The following EARS2 variants were observed in gnomAD, a reference collection of about 807,000 sequenced individuals.
EARS2 encodes nondiscriminating glutamyl-tRNA synthetase EARS2, mitochondrial.
A neutral mutation model predicts 54.1 loss-of-function variants in EARS2; 50 were observed. The observed-to-expected ratio is 0.92, with a 90% CI of 0.74 to 1.17. EARS2 has a LOEUF of 1.17. Among genes scored for constraint, EARS2 ranks in the 50% most tolerant of loss-of-function variants. The probability of loss-of-function intolerance (pLI) is 0.00; values close to 1 mark genes in which losing one functional copy is unlikely to be tolerated. For missense variants in EARS2, 673 were observed against 675.0 expected (o/e 1.00, Z 0.03); for synonymous variants, 298 against 281.0 (o/e 1.06, Z -0.61).
rs776354431 is a variant in EARS2, at chr16:23,552,302, A to T, written c.142T>A (p.Phe48Ile). The T allele has an allele frequency of 6.2e-7, 1 of 1,614,118 alleles. No homozygotes were observed. Among genetic ancestry groups the T allele is most frequent in the Admixed American group, 1.7e-5 (1 of 60,028 alleles). Residue 48 changes from phenylalanine (F) to isoleucine (I), a missense_variant and splice_region_variant, in exon 2 of 9, where the codon TTC (phenylalanine) becomes ATC (isoleucine). Around this residue, in one of 3 missense-constraint regions of EARS2, gnomAD observed 316 missense variants for 275.2 expected, o/e 1.15. Transcript: ENST00000449606. ...GTGCGGAGGCCACCCAGGTGCAAGAAGCCTGGAGAAGAGAACAGCTCAGAT... is the reference window on the plus strand; with the variant it reads ...GTGCGGAGGCCACCCAGGTGCAAGATGCCTGGAGAAGAGAACAGCTCAGAT... ...RVRFAPSPTG[F>I]LHLGGLRTAL...
chr16:23,544,605 G>A lies in EARS2; in HGVS notation c.394C>T (p.Leu132=). 1 of 1,613,810 alleles carries A rather than the reference G, an allele frequency of 6.2e-7. No individual in the cohort carries two copies. The highest frequency in any genetic ancestry group is 1.3e-5 in the African/African-American group (1 of 75,046). ...CAGGGGTAAGCAGCTCCGGTCTTCAGCAGCGCTTCTGTGGCCTGGGCATAC... is the reference window on the plus strand; with the variant it reads ...CAGGGGTAAGCAGCTCCGGTCTTCAACAGCGCTTCTGTGGCCTGGGCATAC... ...ELYAQATEAL[L]KTGAAYPCFC... is the part of the protein sequence containing the mutation. The change falls in exon 3 of 9, where the codon CTG becomes TTG. Residue 132 remains leucine, a synonymous_variant. Coordinates refer to ENST00000449606, the MANE Select transcript of EARS2 (RefSeq NM_001083614.2).
chr16:23,528,950 G>A (rs1287785050), intron 7 of EARS2, among the ~76,000 whole-genome samples: 1 of 152,234 alleles, frequency 6.6e-6, no homozygotes, highest in Non-Finnish European at 1.5e-5. Context: ...TGCAGGAAAA[G>A]TGGTCAGCAT....
intron 3 of EARS2, among the ~76,000 whole-genome samples, chr16:23,537,819 T>C (rs1965448241): frequency 6.8e-6 from 1 of 147,686 alleles, no homozygotes; most frequent in Non-Finnish European, 1.5e-5. Context: ...TGAGTCAGGG[T>C]CTCACTCTGT....
chr16:23,523,904 A>G lies in EARS2; in HGVS notation c.*467T>C, dbSNP rs1965181176. 6.3e-6 allele frequency: 1 copy of G among 157,920 alleles called. No homozygotes were observed. The highest frequency in any genetic ancestry group is 2.4e-5 in the African/African-American group (1 of 41,524). 9.8% of individuals were successfully genotyped at this position (157,920 alleles called of 1,614,324 possible). The stretch of plus-strand genomic sequence containing the variant: ...GTGAGAAGACAGCTGTCTGCAAGCC[A>G]ACAAAAGAGGCCTCTAGGAAAAACC... On this transcript the variant is annotated 3_prime_UTR_variant, in exon 9 of 9. Coordinates refer to ENST00000449606, the MANE Select transcript of EARS2 (RefSeq NM_001083614.2).
chr16:23,546,735 T>C (rs569025052), intron 2 of EARS2, among the ~76,000 whole-genome samples: 2 of 152,114 alleles, frequency 1.3e-5, no homozygotes, highest in Non-Finnish European at 2.9e-5. Context: ...TTTTTTAAGT[T>C]TTCTATAGAG....
chr16:23,540,469 G>A (rs1428384469), intron 3 of EARS2, among the ~76,000 whole-genome samples: 3 of 152,240 alleles, frequency 2.0e-5, no homozygotes, highest in African/African-American at 7.2e-5. Context: ...TTGCAGATGG[G>A]AGTGTAAACA....
chr16:23,553,413 G>A (rs535591279), intron 1 of EARS2, among the ~76,000 whole-genome samples: 9 of 152,170 alleles, frequency 5.9e-5, no homozygotes, highest in South Asian at 4.1e-4. Flanking sequence ...AATGATGTGC[G>A]CTGGGAAAAA....
At chr16:23,542,472 C>T (rs893255333) in intron 3 of EARS2, among the ~76,000 whole-genome samples, 3 of 150,398 alleles carry the variant, frequency 2.0e-5, no homozygotes, top group Non-Finnish European at 4.4e-5. Flanking sequence ...CGCACCACCA[C>T]GCCCAGCTAA....
chr16:23,526,550 C>T (rs1397680018), intron 7 of EARS2, among the ~76,000 whole-genome samples: 5 of 152,090 alleles, frequency 3.3e-5, no homozygotes, highest in Non-Finnish European at 1.5e-5. Context: ...AAAAAAGAAA[C>T]TTAGGAATAG....
At chr16:23,538,972 CCTTT>C (rs1219083307) in intron 3 of EARS2, among the ~76,000 whole-genome samples, 6 of 127,626 alleles carry the variant, frequency 4.7e-5, no homozygotes, top group African/African-American at 8.8e-5. Context: ...TGGCCCCCCT[CCTTT>C]TTTTTTTTTT....
intron 5 of EARS2, among the ~76,000 whole-genome samples, chr16:23,531,928 G>A (rs1433466498): frequency 3.9e-5 from 6 of 152,200 alleles, no homozygotes; most frequent in Admixed American, 3.9e-4. Flanking sequence ...TGATCCTCGT[G>A]CCTCAGCCTC....
chr16:23,538,305 GC>G (rs2142176440), intron 3 of EARS2, among the ~76,000 whole-genome samples: 1 of 152,046 alleles, frequency 6.6e-6, no homozygotes, highest in East Asian at 2.0e-4. Flanking sequence ...ACGCCACCAT[GC>G]CCAGCTAATT....
chr16:23,527,081 G>A (rs911160807), intron 7 of EARS2, among the ~76,000 whole-genome samples: 10 of 152,074 alleles, frequency 6.6e-5, no homozygotes, highest in African/African-American at 2.4e-4. Context: ...TCCCACCTCA[G>A]CTGCCTGAGC....
intron 1 of EARS2, chr16:23,556,792 T>C (rs917228509): frequency 2.3e-6 from 1 of 436,110 alleles, no homozygotes; most frequent in African/African-American, 2.0e-5. Flanking sequence ...CCTGTTTCAC[T>C]TCCCGCATGG....
At chr16:23,526,110 CTTTTTTT>C (rs55859005) in intron 7 of EARS2, among the ~76,000 whole-genome samples, 1 of 119,992 alleles carries the variant, frequency 8.3e-6, no homozygotes. Context: ...GAAATATTAC[CTTTTTTT>C]TTTTTTTTTT....
chr16:23,554,547 G>A (rs746807994), intron 1 of EARS2, among the ~76,000 whole-genome samples: 24 of 152,244 alleles, frequency 1.6e-4, no homozygotes, highest in East Asian at 7.7e-4. Flanking sequence ...ACATTTACAA[G>A]TACAAGAGGC....
At chr16:23,530,528 ACTG>A (rs765876296) in intron 5 of EARS2, among the ~76,000 whole-genome samples, 8 of 152,014 alleles carry the variant, frequency 5.3e-5, no homozygotes, top group Non-Finnish European at 7.4e-5. Flanking sequence ...ACCTCCGCTC[ACTG>A]CAACCTCCGC....
At chr16:23,557,022 G>T in intron 1 of EARS2, 183 bp downstream of exon 1, 1 of 924,690 alleles carries the variant, frequency 1.1e-6, no homozygotes, top group Non-Finnish European at 1.7e-6. Context: ...GAAACTCCTG[G>T]CAATTTGAAT....
chr16:23,548,023 G>A (rs1159528729), intron 2 of EARS2, among the ~76,000 whole-genome samples: 2 of 151,874 alleles, frequency 1.3e-5, no homozygotes, highest in Non-Finnish European at 2.9e-5. Flanking sequence ...GAGGTCAGGA[G>A]ATCAAGACCA....
Sources: gnomAD v4.1 joint callset for allele counts (sites outside exome capture counted in the v4.1 genomes callset) on GRCh38, gnomAD v4.1.1 for gene constraint, gnomAD v4.1.1 regional missense constraint, MANE v1.5 for transcripts, NCBI Gene and HGNC (gene_info 2026-07-23, HGNC 2026-07-21) for gene names.